Variants in NSMCE2 observed in about 807,000 individuals in gnomAD.
NSMCE2 encodes the protein E3 SUMO-protein ligase NSE2.
NSMCE2 carries 24 observed loss-of-function variants against 23.8 expected under a neutral mutation model. The observed-to-expected ratio is 1.01, with a 90% CI of 0.73 to 1.42. The LOEUF is 1.42. Ranked by LOEUF, NSMCE2 falls within the 40% of genes most tolerant of loss-of-function variation. NSMCE2 has a pLI of 0.00. For synonymous variants in NSMCE2, 92 were observed against 94.1 expected, an observed-to-expected ratio of 0.98 and a Z score of 0.13; for missense variants, 284 against 296.5, an observed-to-expected ratio of 0.96 and a Z score of 0.31.
intron 5 of NSMCE2, among the ~76,000 whole-genome samples, chr8:125,249,287 CTTAAGATG>C (rs2131006149): frequency 6.6e-6 from 1 of 152,230 alleles, no homozygotes; most frequent in Non-Finnish European, 1.5e-5. Context: ...AAACAGGTTC[CTTAAGATG>C]AATTCAGAGA....
chr8:125,156,170 A>G (rs1435036175), intron 4 of NSMCE2: 1 of 217,696 alleles, frequency 4.6e-6, no homozygotes. Flanking sequence ...AGCAAAAGTA[A>G]CTAAAGCTTG....
At chr8:125,284,556 C>G (rs1437221844) in intron 5 of NSMCE2, among the ~76,000 whole-genome samples, 6 of 152,190 alleles carry the variant, frequency 3.9e-5, no homozygotes, top group Non-Finnish European at 8.8e-5. Context: ...ATTTTCAGTT[C>G]TTTCTCTGAT....
chr8:125,142,364 A>G (rs1294812468), intron 3 of NSMCE2, among the ~76,000 whole-genome samples: 2 of 152,200 alleles, frequency 1.3e-5, no homozygotes, highest in Non-Finnish European at 2.9e-5. Flanking sequence ...ATTTGAATGA[A>G]GTCTAATTCC....
intron 3 of NSMCE2, among the ~76,000 whole-genome samples, chr8:125,138,047 A>G (rs1820160750): frequency 6.6e-6 from 1 of 152,236 alleles, no homozygotes; most frequent in Admixed American, 6.5e-5. Context: ...ATTAGATAAG[A>G]TTGAAATTCA....
At chr8:125,273,388 T>C (rs1469491647) in intron 5 of NSMCE2, among the ~76,000 whole-genome samples, 2 of 152,216 alleles carry the variant, frequency 1.3e-5, no homozygotes, top group Non-Finnish European at 2.9e-5. Flanking sequence ...ATAAAAGTTA[T>C]TATGGAAAAC....
intron 5 of NSMCE2, among the ~76,000 whole-genome samples, chr8:125,343,806 T>G (rs1167069105): frequency 6.6e-6 from 1 of 151,884 alleles, no homozygotes; most frequent in African/African-American, 2.4e-5. Context: ...CCATCCTGGC[T>G]AATTCGGTGA....
intron 4 of NSMCE2, among the ~76,000 whole-genome samples, chr8:125,178,697 C>T (rs918906448): frequency 1.4e-4 from 21 of 152,098 alleles, no homozygotes; most frequent in South Asian, 1.2e-3. Context: ...GGTGAAACCC[C>T]GTTTCTACTA....
At chr8:125,300,485 G>A (rs947297754) in intron 5 of NSMCE2, among the ~76,000 whole-genome samples, 2 of 152,110 alleles carry the variant, frequency 1.3e-5, no homozygotes, top group East Asian at 3.9e-4. Context: ...TTTAGACCTC[G>A]TTCTAAGCCA....
At chr8:125,265,858 G>A (rs1826888003) in intron 5 of NSMCE2, among the ~76,000 whole-genome samples, 1 of 152,040 alleles carries the variant, frequency 6.6e-6, no homozygotes, top group African/African-American at 2.4e-5. Flanking sequence ...CATTATTTGA[G>A]AATGACTTTC....
chr8:125,266,112 G>A (rs1259302693), intron 5 of NSMCE2, among the ~76,000 whole-genome samples: 2 of 126,814 alleles, frequency 1.6e-5, no homozygotes, highest in Non-Finnish European at 3.4e-5. Context: ...TTTTTTTTGA[G>A]ATGGAGTTTT....
intron 3 of NSMCE2, chr8:125,130,221 G>A: frequency 2.2e-6 from 1 of 455,616 alleles, no homozygotes; most frequent in Non-Finnish European, 4.4e-6. Context: ...AGGTTTTTGG[G>A]AAGAAGAGCA....
In NSMCE2 at chr8:125,123,132, A is replaced by AT. The variant is rs1441483151; in HGVS notation, c.157+20650dup. ...ATGGTTCTTGCAAATATATATATAT[A>AT]TTTTTCTGGCCAACTCATTAAATGA... On this transcript the variant is annotated intron_variant, in intron 3 of 7. Coordinates refer to ENST00000287437, the MANE Select transcript of NSMCE2 (RefSeq NM_173685.4). Among the ~76,000 whole-genome samples, 4 of 152,250 alleles carry AT rather than the reference A, an allele frequency of 2.6e-5. No homozygotes were observed. In the East Asian group the frequency reaches 7.7e-4, roughly 29 times the overall value.
chr8:125,226,239 A>G (rs945406731), intron 5 of NSMCE2, among the ~76,000 whole-genome samples: 15 of 152,340 alleles, frequency 9.8e-5, no homozygotes, highest in African/African-American at 2.9e-4. Flanking sequence ...CTCATGGCCC[A>G]GTCATTGTGT....
At chr8:125,298,686 G>GGTTTTT (rs1563770220) in intron 5 of NSMCE2, among the ~76,000 whole-genome samples, 5 of 114,858 alleles carry the variant, frequency 4.4e-5, no homozygotes, top group Non-Finnish European at 5.4e-5. Context: ...TTCATCTGTG[G>GGTTTTT]GTTTTTTTTT....
chr8:125,241,807 C>T (rs77879746), intron 5 of NSMCE2, among the ~76,000 whole-genome samples: 3,851 of 152,302 alleles, frequency 0.025, 76 homozygotes, highest in Middle Eastern at 0.051. Context: ...TGAATTTATT[C>T]CTTCCACAAA....
intron 5 of NSMCE2, among the ~76,000 whole-genome samples, chr8:125,286,576 G>A (rs1827912336): frequency 6.6e-6 from 1 of 152,050 alleles, no homozygotes; most frequent in Admixed American, 6.6e-5. Flanking sequence ...GCCTCCCAAA[G>A]TGCTGGGATT....
intron 4 of NSMCE2, 48 bp from the exon 5 acceptor site, chr8:125,182,055 A>C: frequency 7.3e-7 from 1 of 1,374,480 alleles, no homozygotes; most frequent in Admixed American, 2.3e-5. Flanking sequence ...CTTTGTTAAC[A>C]CTATTATTAT....
chr8:125,196,175 A>C (rs1823606268), intron 5 of NSMCE2, among the ~76,000 whole-genome samples: 1 of 149,758 alleles, frequency 6.7e-6, no homozygotes, highest in African/African-American at 2.5e-5. Flanking sequence ...TCAGCCACCA[A>C]GTGCAGCCCT....
At chr8:125,186,351 T>G (rs1023178213) in intron 5 of NSMCE2, among the ~76,000 whole-genome samples, 11 of 152,232 alleles carry the variant, frequency 7.2e-5, no homozygotes, top group Non-Finnish European at 1.5e-5. Flanking sequence ...AAATGTTTAC[T>G]GACCCTTGAT....
Sources: gnomAD v4.1 joint callset for allele counts (sites outside exome capture counted in the v4.1 genomes callset) on GRCh38, gnomAD v4.1.1 for gene constraint, MANE v1.5 for transcripts, NCBI Gene and HGNC (gene_info 2026-07-23, HGNC 2026-07-21) for gene names.